Variants in GAPVD1 observed in about 807,000 individuals in gnomAD.
The protein encoded by GAPVD1 is GTPase-activating protein and VPS9 domain-containing protein 1.
A neutral mutation model predicts 155.5 loss-of-function variants in GAPVD1; 35 were observed. That is an observed-to-expected ratio of 0.23 (90% confidence interval 0.17 to 0.30). GAPVD1 has a LOEUF of 0.30. Among genes scored for constraint, GAPVD1 ranks in the 10% least tolerant of loss-of-function variants. GAPVD1 has a pLI of 1.00. For missense variants in GAPVD1, 1,429 were observed against 1,775.7 expected, an observed-to-expected ratio of 0.80 and a Z score of 3.51; for synonymous variants, 636 against 619.7, an observed-to-expected ratio of 1.03 and a Z score of -0.39.
chr9:125,349,270 C>A (rs1363734462), intron 20 of GAPVD1, 120 bp from the exon 21 acceptor site: 24 of 776,274 alleles, frequency 3.1e-5, no homozygotes, highest in Non-Finnish European at 4.9e-5. Context: ...CTTTTTTTTC[C>A]AGAGAACTCT....
chr9:125,328,857 A>G (rs1845624376), intron 12 of GAPVD1, among the ~76,000 whole-genome samples: 1 of 151,544 alleles, frequency 6.6e-6, no homozygotes, highest in African/African-American at 2.4e-5. Context: ...TCCCTCCCGG[A>G]CGGGGCGGCT....
Position 125,302,557 on chromosome 9 carries a change from A to G in GAPVD1, c.760A>G (p.Asn254Asp). The change falls in exon 5 of 28, where the codon AAT becomes GAT. Residue 254 changes from asparagine (N) to aspartate (D), a missense_variant. Coordinates refer to ENST00000297933, the MANE Select transcript of GAPVD1 (RefSeq NM_001282680.3). ...AAAAGTTCAAGAAATGGTGGAGTCC[A>G]ATGAAGCAAAGCTAGTGGCTTTGGT... The part of the protein sequence containing the change: ...RQKVQEMVES[N>D]EAKLVALVNK... The G allele has an allele frequency of 6.2e-7, 1 of 1,613,914 alleles. No individual in the cohort carries two copies. Among genetic ancestry groups the G allele is most frequent in the Non-Finnish European group, 8.5e-7 (1 of 1,179,762 alleles).
intron 19 of GAPVD1, among the ~76,000 whole-genome samples, chr9:125,345,259 C>A (rs1848358318): frequency 6.6e-6 from 1 of 151,866 alleles, no homozygotes; most frequent in Admixed American, 6.6e-5. Flanking sequence ...CAGCTCACTG[C>A]AATCTCTATC....
chr9:125,298,802 T>C, intron 3 of GAPVD1, 88 bp from the exon 4 acceptor site: 1 of 605,512 alleles, frequency 1.7e-6, no homozygotes, highest in Non-Finnish European at 2.8e-6. Context: ...GTAACTGAAT[T>C]CTTAAAGTAT....
In GAPVD1 at chr9:125,365,280, T is replaced by A. The variant is rs1851400967; in HGVS notation, c.*2534T>A. On this transcript the variant is annotated 3_prime_UTR_variant, in exon 28 of 28. Coordinates refer to ENST00000297933, the MANE Select transcript of GAPVD1 (RefSeq NM_001282680.3). Reference sequence around the variant, plus strand: ...TACTTTGGCATTAACCATCACTGTTTGATTTCTTGACAGGTATGTGAGATG... The same window carrying A: ...TACTTTGGCATTAACCATCACTGTTAGATTTCTTGACAGGTATGTGAGATG... The A allele has an allele frequency of 6.6e-6, 1 of 152,110 alleles. No individual in the cohort carries two copies. The highest frequency in any genetic ancestry group is 2.4e-5 in the African/African-American group (1 of 41,412). 9.4% of individuals were successfully genotyped at this position (152,110 alleles called of 1,614,324 possible). A position where few individuals can be genotyped will look rare whatever the true frequency, so the allele number is the denominator to read the frequency against.
At chr9:125,298,855 A>G (rs1419857747) in intron 3 of GAPVD1, 35 bp from the exon 4 acceptor site, 2 of 884,376 alleles carry the variant, frequency 2.3e-6, no homozygotes, top group African/African-American at 3.4e-5. Context: ...TAAGTGACAT[A>G]CATAAACTTT....
At chr9:125,324,168 A>G (rs1394144918) in intron 11 of GAPVD1, among the ~76,000 whole-genome samples, 1 of 152,198 alleles carries the variant, frequency 6.6e-6, no homozygotes, top group Non-Finnish European at 1.5e-5. Context: ...ATTATGTAAT[A>G]TTTTAGGGAT....
rs1178252258 is a variant in GAPVD1 at position 125,298,968 on chromosome 9, AACG to A, written c.48_50del (p.Glu16_Arg17delinsAsp). 6.2e-7 allele frequency: 1 copy of A among 1,612,112 alleles called. No homozygotes were observed. The highest frequency in any genetic ancestry group is 8.5e-7 in the Non-Finnish European group (1 of 1,178,972). ...ACTCTGGCTCATCACCTCAAGCAGG[AACG>A]CTTATATGTAAACTCTGAGAAACAG... is the stretch of plus-strand genomic sequence containing the variant. On this transcript the variant is annotated inframe_deletion, in exon 4 of 28. Coordinates refer to ENST00000297933, the MANE Select transcript of GAPVD1 (RefSeq NM_001282680.3).
intron 10 of GAPVD1, among the ~76,000 whole-genome samples, chr9:125,322,595 C>G (rs1844497886): frequency 6.6e-6 from 1 of 152,034 alleles, no homozygotes; most frequent in South Asian, 2.1e-4. Flanking sequence ...GTTTTGTAAC[C>G]TTTTGTAATT....
chr9:125,298,957 C>T lies in GAPVD1; in HGVS notation c.36C>T (p.His12=), dbSNP rs777206049. The T allele has an allele frequency of 6.2e-7, 1 of 1,611,878 alleles. No individual in the cohort carries two copies. Among genetic ancestry groups the T allele is most frequent in the African/African-American group, 1.3e-5 (1 of 74,878 alleles). The change falls in exon 4 of 28, where the codon CAC becomes CAT. Residue 12 remains histidine (H), a synonymous_variant. Transcript: ENST00000297933. ...TAGATATTCATACTCTGGCTCATCA[C>T]CTCAAGCAGGAACGCTTATATGTAA... The part of the protein sequence containing the change: ...VKLDIHTLAH[H]LKQERLYVNS...
At chr9:125,312,108 A>G (rs1223842635) in intron 8 of GAPVD1, among the ~76,000 whole-genome samples, 1 of 152,224 alleles carries the variant, frequency 6.6e-6, no homozygotes, top group Non-Finnish European at 1.5e-5. Flanking sequence ...TATCTTAAAA[A>G]GATAAGAAAT....
intron 2 of GAPVD1, among the ~76,000 whole-genome samples, chr9:125,273,496 CTTT>C (rs1379407202): frequency 1.5e-5 from 2 of 129,758 alleles, no homozygotes; most frequent in Non-Finnish European, 1.7e-5. Flanking sequence ...TTTTTCTTTT[CTTT>C]TTTTTTTTTT....
intron 2 of GAPVD1, among the ~76,000 whole-genome samples, chr9:125,274,271 G>A (rs931953954): frequency 4.0e-5 from 6 of 151,882 alleles, no homozygotes; most frequent in Non-Finnish European, 7.4e-5. Flanking sequence ...GCCGGCCTCG[G>A]CCTCTCAAAG....
chr9:125,346,261 TG>T (rs1848508992), intron 19 of GAPVD1: 1 of 161,048 alleles, frequency 6.2e-6, no homozygotes, highest in Admixed American at 6.2e-5. Context: ...TGCACAAAAG[TG>T]CTCTATTCCA....
chr9:125,330,296 A>G (rs1478253077), intron 13 of GAPVD1, 78 bp downstream of exon 13: 2 of 857,828 alleles, frequency 2.3e-6, no homozygotes, highest in Non-Finnish European at 3.5e-6. Flanking sequence ...ACTCTGTATT[A>G]TGTATATTTT....
chr9:125,312,664 G>A (rs1842828903), intron 9 of GAPVD1, 52 bp downstream of exon 9: 1 of 1,371,122 alleles, frequency 7.3e-7, no homozygotes, highest in Non-Finnish European at 9.9e-7. Flanking sequence ...GTCCATACAG[G>A]CTGCTGTAAC....
intron 9 of GAPVD1, among the ~76,000 whole-genome samples, chr9:125,318,043 T>C (rs988324502): frequency 2.6e-5 from 4 of 152,148 alleles, no homozygotes; most frequent in African/African-American, 9.6e-5. Flanking sequence ...ACCCAGCACT[T>C]TGGGAGGCCG....
At chr9:125,319,003 C>G (rs1233139349) in intron 9 of GAPVD1, among the ~76,000 whole-genome samples, 2 of 151,888 alleles carry the variant, frequency 1.3e-5, no homozygotes, top group Admixed American at 6.6e-5. Flanking sequence ...TGGTGAAACC[C>G]CATCTTTACT....
chr9:125,322,310 C>T (rs1220515203), intron 10 of GAPVD1, among the ~76,000 whole-genome samples: 1 of 152,042 alleles, frequency 6.6e-6, no homozygotes, highest in African/African-American at 2.4e-5. Flanking sequence ...GTGATCCGCC[C>T]ACCTCAGCCT....
Sources: gnomAD v4.1 joint callset for allele counts (sites outside exome capture counted in the v4.1 genomes callset) on GRCh38, gnomAD v4.1.1 for gene constraint, MANE v1.5 for transcripts, NCBI Gene and HGNC (gene_info 2026-07-23, HGNC 2026-07-21) for gene names.